SLC7A14: variants seen among roughly 807,000 people sequenced by gnomAD.
SLC7A14 encodes solute carrier family 7 member 14.
In SLC7A14, 37 loss-of-function variants were observed where a neutral mutation model predicts 60.2. The ratio of observed to expected loss-of-function variants is 0.61; its 90% CI spans 0.47 to 0.81. SLC7A14 has a LOEUF of 0.81. SLC7A14 is among the 30% of genes least tolerant of loss of function. The pLI, the probability that SLC7A14 is intolerant of heterozygous loss-of-function variation, is 0.00. For synonymous variants in SLC7A14, 399 were observed against 395.8 expected (o/e 1.01, Z -0.10); for missense variants, 886 against 982.7 (o/e 0.90, Z 1.32).
At chr3:170,479,173 C>CAAA (rs1711731743) in intron 7 of SLC7A14, among the ~76,000 whole-genome samples, 2 of 151,660 alleles carry the variant, frequency 1.3e-5, no homozygotes, top group African/African-American at 4.8e-5. Context: ...ACAACAACAA[C>CAAA]AAAAAGAGTC....
At chr3:170,542,262 G>A (rs1553873118) in intron 1 of SLC7A14, among the ~76,000 whole-genome samples, 1 of 152,188 alleles carries the variant, frequency 6.6e-6, no homozygotes, top group Non-Finnish European at 1.5e-5. Flanking sequence ...CGTGACATTG[G>A]TTTCTAATAG....
intron 2 of SLC7A14, among the ~76,000 whole-genome samples, chr3:170,505,532 A>G (rs961535908): frequency 3.9e-5 from 6 of 152,242 alleles, no homozygotes; most frequent in Admixed American, 1.3e-4. Context: ...GAAGCATTAC[A>G]AAGTATTTAT....
At chr3:170,476,334 G>T (rs1448009563) in intron 7 of SLC7A14, among the ~76,000 whole-genome samples, 2 of 152,144 alleles carry the variant, frequency 1.3e-5, no homozygotes, top group Non-Finnish European at 2.9e-5. Flanking sequence ...TTAGCAGCAG[G>T]TGCCCAGAAA....
chr3:170,541,790 T>C (rs547919078), intron 1 of SLC7A14, among the ~76,000 whole-genome samples: 2 of 152,210 alleles, frequency 1.3e-5, no homozygotes, highest in Non-Finnish European at 1.5e-5. Flanking sequence ...CAATTAAAAT[T>C]GCAAAAAACC....
intron 2 of SLC7A14, 58 bp downstream of exon 2, chr3:170,526,575 C>T: frequency 6.4e-7 from 1 of 1,570,612 alleles, no homozygotes; most frequent in Admixed American, 1.7e-5. Context: ...AGGGGATGAA[C>T]AGTGACCAGG....
chr3:170,465,587 C>A lies in SLC7A14; in HGVS notation c.*1468G>T, dbSNP rs1460468972. 2.0e-5 allele frequency: 3 copies of A among 152,242 alleles called. No individual in the cohort carries two copies. The East Asian group carries it at 5.8e-4, about 29-fold the overall frequency. 9.4% of individuals were successfully genotyped at this position (152,242 alleles called of 1,614,324 possible). A position where few individuals can be genotyped will look rare whatever the true frequency, so the allele number is the denominator to read the frequency against. On this transcript the variant is annotated 3_prime_UTR_variant, in exon 8 of 8. Coordinates refer to ENST00000231706, the MANE Select transcript of SLC7A14 (RefSeq NM_020949.3). ...AAAACGTTTGGCATACTGATACATC[C>A]AGGAGAGAAAGGACAAGGAATTTCT...
rs1292754675 is a variant in SLC7A14 at position 170,585,463 on chromosome 3, C to T, written c.-153+448G>A. 1.3e-5 allele frequency among the ~76,000 whole-genome samples: 2 copies of T among 152,212 alleles called. No individual in the cohort carries two copies. The highest frequency in any genetic ancestry group is 1.9e-4 in the East Asian group (1 of 5,172). On this transcript the variant is annotated intron_variant, in intron 1 of 7. Transcript: ENST00000231706. This position sits in a 1 kb window ranked among gnomAD's most constrained non-coding sequence, Gnocchi z 5.1. Reference sequence around the variant, plus strand: ...AGCGTCTCCGTTTCATGGTCTCGGTCCGAGGCGGAGAACGGAGCTGCCCGT... The same window carrying T: ...AGCGTCTCCGTTTCATGGTCTCGGTTCGAGGCGGAGAACGGAGCTGCCCGT...
At chr3:170,501,434 C>T (rs1277895227) in intron 2 of SLC7A14, 89 bp from the exon 3 acceptor site, 3 of 1,062,586 alleles carry the variant, frequency 2.8e-6, no homozygotes, top group African/African-American at 1.6e-5. Context: ...CATACTGAGA[C>T]TTTCTAGGAT....
At chr3:170,534,456 G>A (rs1713776510) in intron 1 of SLC7A14, among the ~76,000 whole-genome samples, 1 of 152,180 alleles carries the variant, frequency 6.6e-6, no homozygotes, top group South Asian at 2.1e-4. Flanking sequence ...GAGTCACATG[G>A]CACAGGGCGA....
intron 1 of SLC7A14, among the ~76,000 whole-genome samples, chr3:170,541,891 C>T (rs1350548330): frequency 2.0e-5 from 3 of 152,176 alleles, no homozygotes; most frequent in Non-Finnish European, 4.4e-5. Context: ...GTAACTAAAA[C>T]CCCAAACAAA....
chr3:170,483,973 G>A (rs1028340217), intron 5 of SLC7A14, among the ~76,000 whole-genome samples: 2 of 152,134 alleles, frequency 1.3e-5, no homozygotes, highest in Admixed American at 1.3e-4. Context: ...GGTTTTATCC[G>A]TACTCCCTCT....
rs1422885267 is a variant in SLC7A14 at position 170,582,544 on chromosome 3, A to G, written c.-153+3367T>C. ...GGTTCTGGTTCACAGGGCCCAGAGC[A>G]CCTCAGCAATAGCATTCTTGACAGA... is the stretch of plus-strand genomic sequence containing the variant. On this transcript the variant is annotated intron_variant, in intron 1 of 7. Coordinates refer to ENST00000231706, the MANE Select transcript of SLC7A14 (RefSeq NM_020949.3). Among the ~76,000 whole-genome samples, 3 of 152,332 alleles carry G rather than the reference A, an allele frequency of 2.0e-5. No individual in the cohort carries two copies. The East Asian group carries it at 5.8e-4, about 29-fold the overall frequency.
At chr3:170,490,036 A>G (rs12496998) in intron 4 of SLC7A14, among the ~76,000 whole-genome samples, 2,483 of 152,312 alleles carry the variant, frequency 0.016, 95 homozygotes, top group East Asian at 0.13. Context: ...ATTAGATAAC[A>G]TAACAGGGTG....
At chr3:170,523,182 A>T (rs1713387842) in intron 2 of SLC7A14, among the ~76,000 whole-genome samples, 1 of 152,212 alleles carries the variant, frequency 6.6e-6, no homozygotes, top group African/African-American at 2.4e-5. Context: ...TATTATTTTT[A>T]AAGTGGAGAA....
intron 4 of SLC7A14, among the ~76,000 whole-genome samples, chr3:170,494,718 C>G (rs1476499092): frequency 6.6e-6 from 1 of 152,234 alleles, no homozygotes; most frequent in Non-Finnish European, 1.5e-5. Flanking sequence ...ATTGCATTGA[C>G]AGGATGTCTT....
At chr3:170,486,084 G>A (rs1237606122) in intron 5 of SLC7A14, 138 bp downstream of exon 5, 4 of 1,106,456 alleles carry the variant, frequency 3.6e-6, no homozygotes, top group Non-Finnish European at 5.1e-6. Flanking sequence ...TTCTTGTCAT[G>A]GGGAGTGGGG....
chr3:170,557,638 C>T (rs926595450), intron 1 of SLC7A14, among the ~76,000 whole-genome samples: 1 of 152,206 alleles, frequency 6.6e-6, no homozygotes, highest in African/African-American at 2.4e-5. Context: ...AGCTCTTTCA[C>T]TGACCAGCTG....
Position 170,483,494 on chromosome 3 carries a change from G to A in SLC7A14, c.935C>T (p.Pro312Leu). Residue 312 changes from proline to leucine, a missense_variant, in exon 6 of 8, where the codon CCA (proline) becomes CTA (leucine). By Grantham distance (98) the Pro-to-Leu change is moderately conservative (BLOSUM62 -3). Coordinates refer to ENST00000231706, the MANE Select transcript of SLC7A14 (RefSeq NM_020949.3). Reference sequence around the variant, plus strand: ...GGATTCCGTGTCAATGGTATAATATGGCACCATCAGAGTTAAGATCACGCT... The same window carrying A: ...GGATTCCGTGTCAATGGTATAATATAGCACCATCAGAGTTAAGATCACGCT... ...SVSVILTLMV[P>L]YYTIDTESPL... 6.2e-7 allele frequency: 1 copy of A among 1,614,154 alleles called. No individual in the cohort carries two copies. The highest frequency in any genetic ancestry group is 8.5e-7 in the Non-Finnish European group (1 of 1,180,032).
At chr3:170,580,459 T>A in intron 1 of SLC7A14, among the ~76,000 whole-genome samples, 1 of 152,284 alleles carries the variant, frequency 6.6e-6, no homozygotes, top group South Asian at 2.1e-4. Context: ...CAACAACATA[T>A]GTTTATTGTT....
Sources: gnomAD v4.1 joint callset for allele counts (sites outside exome capture counted in the v4.1 genomes callset) on GRCh38, gnomAD v4.1.1 for gene constraint, Gnocchi (gnomAD v3.1) non-coding constraint, MANE v1.5 for transcripts, NCBI Gene and HGNC (gene_info 2026-07-23, HGNC 2026-07-21) for gene names.